Variants in CABLES1 observed in about 807,000 individuals in gnomAD.
CABLES1 encodes Cdk5 and Abl enzyme substrate 1.
Under a neutral mutation model 57.8 loss-of-function variants are expected in CABLES1, and 36 were observed. The observed-to-expected ratio is 0.62, with a 90% CI of 0.48 to 0.82. The LOEUF is 0.82. Ranked by LOEUF, CABLES1 falls within the 40% of genes least tolerant of loss-of-function variation. The probability of loss-of-function intolerance (pLI) is 0.00; values close to 1 mark genes in which losing one functional copy is unlikely to be tolerated. For synonymous variants in CABLES1, 374 were observed against 363.0 expected (o/e 1.03, Z -0.35); for missense variants, 767 against 836.6 (o/e 0.92, Z 1.03).
intron 3 of CABLES1, among the ~76,000 whole-genome samples, chr18:23,212,401 G>T (rs566165616): frequency 6.6e-6 from 1 of 152,288 alleles, no homozygotes; most frequent in South Asian, 2.1e-4. Flanking sequence ...TAAGCTGACC[G>T]AGGTCAAACA....
At chr18:23,153,042 C>T (rs994381169) in intron 1 of CABLES1, among the ~76,000 whole-genome samples, 3 of 151,960 alleles carry the variant, frequency 2.0e-5, no homozygotes, top group Non-Finnish European at 2.9e-5. Flanking sequence ...CCTTGTGATC[C>T]GCCTACCTTG....
At chr18:23,234,766 G>T (rs1299305071) in intron 5 of CABLES1, 62 bp downstream of exon 5, 1 of 1,339,250 alleles carries the variant, frequency 7.5e-7, no homozygotes, top group East Asian at 2.4e-5. Flanking sequence ...AGGAAGCAGA[G>T]GAGGGGGGCA....
chr18:23,226,379 G>A (rs1333019716), intron 4 of CABLES1, among the ~76,000 whole-genome samples: 1 of 149,158 alleles, frequency 6.7e-6, no homozygotes, highest in Non-Finnish European at 1.5e-5. Flanking sequence ...TCCAGCTTGG[G>A]CAACAGAGTG....
At chr18:23,211,206 G>A (rs1296516415) in intron 3 of CABLES1, among the ~76,000 whole-genome samples, 3 of 151,994 alleles carry the variant, frequency 2.0e-5, no homozygotes, top group Admixed American at 1.3e-4. Flanking sequence ...TATTAAATAC[G>A]TCCAAACAAA....
chr18:23,190,518 T>C (rs4335862), intron 2 of CABLES1: 21,314 of 152,156 alleles, frequency 0.14, 2,155 homozygotes, highest in Admixed American at 0.27. Context: ...GAGGAGAGGC[T>C]GGAGGAGGAC....
At chr18:23,253,342 G>T (rs1598886480) in intron 8 of CABLES1, among the ~76,000 whole-genome samples, 2 of 152,170 alleles carry the variant, frequency 1.3e-5, no homozygotes, top group South Asian at 4.1e-4. Context: ...AATTAGCCAG[G>T]CATGGTGGTG....
chr18:23,246,144 G>T (rs1419400245), intron 7 of CABLES1, among the ~76,000 whole-genome samples: 2 of 151,972 alleles, frequency 1.3e-5, no homozygotes, highest in South Asian at 2.1e-4. Context: ...CACACCTGTT[G>T]TCCCAGCTAC....
intron 4 of CABLES1, among the ~76,000 whole-genome samples, chr18:23,217,857 G>A (rs2047453462): frequency 1.3e-5 from 2 of 152,240 alleles, no homozygotes; most frequent in South Asian, 4.1e-4. Flanking sequence ...GGGGTGGAAA[G>A]GCCTTCCTGC....
intron 4 of CABLES1, among the ~76,000 whole-genome samples, chr18:23,228,073 A>G (rs571811586): frequency 3.9e-5 from 6 of 152,312 alleles, no homozygotes; most frequent in African/African-American, 1.4e-4. Context: ...TTTTCCATCT[A>G]GTTTCCAGGT....
chr18:23,253,011 G>A lies in CABLES1; in HGVS notation c.1498G>A (p.Glu500Lys), dbSNP rs370752492. 1.6e-5 allele frequency: 26 copies of A among 1,613,762 alleles called. No individual in the cohort carries two copies. The highest frequency in any genetic ancestry group is 2.2e-5 in the East Asian group (1 of 44,898). The part of the protein sequence containing the change: ...KPSDLKKDMN[E>K]TFKEKFPHIK... ...CTCGGATCTCAAGAAGGACATGAAC[G>A]AGACCTTCAAGGAGAAGTTTCCTCA... is the stretch of plus-strand genomic sequence containing the variant. The change falls in exon 8 of 10, where the codon GAG becomes AAG. Residue 500 changes from glutamate (E) to lysine (K), a missense_variant. By Grantham distance (56) the Glu-to-Lys change is moderately conservative. Around this residue, in one of 4 missense-constraint regions of CABLES1, gnomAD observed 529 missense variants for 622.8 expected, o/e 0.85. Transcript: ENST00000256925.
chr18:23,213,117 G>A (rs1255995647), intron 3 of CABLES1, among the ~76,000 whole-genome samples: 1 of 152,186 alleles, frequency 6.6e-6, no homozygotes, highest in East Asian at 1.9e-4. Context: ...TTACAACAAA[G>A]TTGAAATCTC....
At chr18:23,137,641 C>CT (rs2046831898) in intron 1 of CABLES1, among the ~76,000 whole-genome samples, 1 of 152,154 alleles carries the variant, frequency 6.6e-6, no homozygotes, top group South Asian at 2.1e-4. Context: ...TCATGCTTAC[C>CT]TGAAAGCTTG....
intron 1 of CABLES1, among the ~76,000 whole-genome samples, chr18:23,141,278 G>A (rs750616745): frequency 3.3e-5 from 5 of 152,120 alleles, no homozygotes; most frequent in Non-Finnish European, 5.9e-5. Flanking sequence ...TGCCCCTCCC[G>A]CTGCATTGCC....
At chr18:23,253,581 A>G in intron 8 of CABLES1, 148 bp from the exon 9 acceptor site, 1 of 661,230 alleles carries the variant, frequency 1.5e-6, no homozygotes, top group South Asian at 2.0e-5. Context: ...TGCATAACGC[A>G]GCCTTCACAC....
intron 4 of CABLES1, among the ~76,000 whole-genome samples, chr18:23,217,757 A>G (rs1411961884): frequency 6.6e-6 from 1 of 152,288 alleles, no homozygotes; most frequent in Non-Finnish European, 1.5e-5. Context: ...GTTCATGTAC[A>G]TATTAACTAA....
At chr18:23,189,807 A>C (rs1423305154) in intron 2 of CABLES1, among the ~76,000 whole-genome samples, 1 of 152,290 alleles carries the variant, frequency 6.6e-6, no homozygotes, top group East Asian at 1.9e-4. Context: ...CTCCCCCTGG[A>C]TCTGGCTCCT....
At position 23,219,226 on chromosome 18, in the gene CABLES1, A is replaced by C. The variant is rs1369755385; in HGVS notation, c.1088+5172A>C. 8 of 453,698 alleles carry C rather than the reference A, an allele frequency of 1.8e-5. No homozygotes were observed. The Admixed American group carries it at 1.9e-4, about 11-fold the overall frequency. The allele number at this position is 453,698 out of a possible 1,614,324, so 28.1% of individuals were successfully genotyped here. On this transcript the variant is annotated intron_variant, in intron 4 of 9. Coordinates refer to ENST00000256925, the MANE Select transcript of CABLES1 (RefSeq NM_001100619.3). ...AAATGTCTCTCTGTGTGTGGAGCCTACTCTCCGTGCCATCCCTCTGGTCCT... is the reference window on the plus strand; with the variant it reads ...AAATGTCTCTCTGTGTGTGGAGCCTCCTCTCCGTGCCATCCCTCTGGTCCT...
chr18:23,235,944 G>A lies in CABLES1; in HGVS notation c.1235G>A (p.Arg412Gln), dbSNP rs373572190. Residue 412 changes from arginine (R) to glutamine (Q), a missense_variant, in exon 6 of 10, where the codon CGG (arginine) becomes CAG (glutamine). Arg to Gln is a conservative substitution (Grantham distance 43). Coordinates refer to ENST00000256925, the MANE Select transcript of CABLES1 (RefSeq NM_001100619.3). ...TTACCCACAAATGCCTTTGGAGCCCGGAGAAATACCATAGACTCCACCTCC... is the reference window on the plus strand; with the variant it reads ...TTACCCACAAATGCCTTTGGAGCCCAGAGAAATACCATAGACTCCACCTCC... ...FLLPTNAFGA[R>Q]RNTIDSTSSF... 53 of 1,614,022 alleles carry A rather than the reference G, an allele frequency of 3.3e-5. No homozygotes were observed. Among genetic ancestry groups the A allele is most frequent in the Admixed American group, 2.3e-4 (14 of 60,000 alleles).
At chr18:23,144,952 T>C (rs2046882421) in intron 1 of CABLES1, among the ~76,000 whole-genome samples, 1 of 151,858 alleles carries the variant, frequency 6.6e-6, no homozygotes, top group East Asian at 1.9e-4. Flanking sequence ...TTTTTTTTCT[T>C]TGAGACGGAG....
Sources: gnomAD v4.1 joint callset for allele counts (sites outside exome capture counted in the v4.1 genomes callset) on GRCh38, gnomAD v4.1.1 for gene constraint, gnomAD v4.1.1 regional missense constraint, MANE v1.5 for transcripts, NCBI Gene and HGNC (gene_info 2026-07-23, HGNC 2026-07-21) for gene names.